Variants in JAKMIP1 observed in about 807,000 individuals in gnomAD.
JAKMIP1 encodes the protein janus kinase and microtubule-interacting protein 1.
In JAKMIP1, 33 loss-of-function variants were observed where a neutral mutation model predicts 113.0. The ratio of observed to expected loss-of-function variants is 0.29; its 90% CI spans 0.22 to 0.39. JAKMIP1 has a LOEUF of 0.39. Among genes scored for constraint, JAKMIP1 ranks in the 10% least tolerant of loss-of-function variants. The pLI, the probability that JAKMIP1 is intolerant of heterozygous loss-of-function variation, is 1.00. For missense variants in JAKMIP1, 813 were observed against 1,080.5 expected, an observed-to-expected ratio of 0.75 and a Z score of 3.47; for synonymous variants, 480 against 459.9, an observed-to-expected ratio of 1.04 and a Z score of -0.56.
At chr4:6,146,090 A>C (rs1720813907) in intron 1 of JAKMIP1, among the ~76,000 whole-genome samples, 1 of 152,168 alleles carries the variant, frequency 6.6e-6, no homozygotes, top group South Asian at 2.1e-4. Context: ...TTCAGCTTTA[A>C]AAAGGAAGGA....
intron 3 of JAKMIP1, among the ~76,000 whole-genome samples, chr4:6,099,627 C>T (rs1422906946): frequency 6.6e-6 from 1 of 152,148 alleles, no homozygotes; most frequent in African/African-American, 2.4e-5. Context: ...AAAAAGAGAT[C>T]GTCTCAGACA....
At chr4:6,090,173 G>C (rs1721845277) in intron 3 of JAKMIP1, among the ~76,000 whole-genome samples, 1 of 151,990 alleles carries the variant, frequency 6.6e-6, no homozygotes, top group South Asian at 2.1e-4. Context: ...AGTGAGCCGA[G>C]GTCACGCCAC....
chr4:6,098,173 G>A (rs1368559325), intron 3 of JAKMIP1, among the ~76,000 whole-genome samples: 1 of 152,216 alleles, frequency 6.6e-6, no homozygotes, highest in African/African-American at 2.4e-5. Context: ...GCTCACGCCT[G>A]TAATCCCAGC....
intron 1 of JAKMIP1, among the ~76,000 whole-genome samples, chr4:6,189,449 C>T (rs1312865109): frequency 6.6e-6 from 1 of 152,106 alleles, no homozygotes; most frequent in Admixed American, 6.5e-5. Flanking sequence ...TTTTTTTCAG[C>T]GCAGAGTGGA....
At chr4:6,126,202 AACAC>A (rs1560232355) in intron 1 of JAKMIP1, among the ~76,000 whole-genome samples, 1 of 140,500 alleles carries the variant, frequency 7.1e-6, no homozygotes, top group Non-Finnish European at 1.5e-5. Flanking sequence ...CACATACACA[AACAC>A]ACACCATGCG....
intron 1 of JAKMIP1, among the ~76,000 whole-genome samples, chr4:6,148,711 T>G (rs1721182822): frequency 6.6e-6 from 1 of 152,234 alleles, no homozygotes; most frequent in Admixed American, 6.5e-5. Flanking sequence ...TGTTACTTGT[T>G]TATCACTGTG....
Position 6,080,244 on chromosome 4 carries a change from C to T in JAKMIP1, c.1170G>A (p.Arg390=), listed in dbSNP as rs1479219874. Residue 390 remains arginine (R), a synonymous_variant, in exon 7 of 21, where the codon AGG becomes AGA. Coordinates refer to ENST00000409021, the MANE Select transcript of JAKMIP1 (RefSeq NM_001099433.2). The surrounding 1 kb of genome is among the most constrained non-coding windows in gnomAD (Gnocchi z 6.0). ...TCAGGAACTCGATCTCCTGCTCATC[C>T]CTCGTCAGGCTGAGGTCATTCAAGG... is the stretch of plus-strand genomic sequence containing the variant. The part of the protein sequence containing the change: ...HTSLNDLSLT[R]DEQEIEFLRL... 5.0e-6 allele frequency: 8 copies of T among 1,614,186 alleles called. No homozygotes were observed. Among genetic ancestry groups the T allele is most frequent in the East Asian group, 2.2e-5 (1 of 44,878 alleles).
rs1401307468 is a variant in JAKMIP1, at chr4:6,059,860, G to A, written c.1644+564C>T. Reference sequence around the variant, plus strand: ...CAGATTTCCACCCAGAGCCCTCTCTGGCTCCCCCACTCCAGGGGACAGGTC... The same window carrying A: ...CAGATTTCCACCCAGAGCCCTCTCTAGCTCCCCCACTCCAGGGGACAGGTC... On this transcript the variant is annotated intron_variant, in intron 11 of 20. Coordinates refer to ENST00000409021, the MANE Select transcript of JAKMIP1 (RefSeq NM_001099433.2). This position sits in a 1 kb window ranked among gnomAD's most constrained non-coding sequence, Gnocchi z 4.8. Among the ~76,000 whole-genome samples, 1 of 152,002 alleles carries A rather than the reference G, an allele frequency of 6.6e-6. No homozygotes were observed. The highest frequency in any genetic ancestry group is 1.5e-5 in the Non-Finnish European group (1 of 67,998).
intron 1 of JAKMIP1, among the ~76,000 whole-genome samples, chr4:6,164,459 TG>T (rs200722996): frequency 0.042 from 6,440 of 152,296 alleles, 410 homozygotes; most frequent in African/African-American, 0.14. Flanking sequence ...AGATTGATGT[TG>T]TTGTCATGCC....
Position 6,182,270 on chromosome 4 carries a change from G to A in JAKMIP1, c.-148+17983C>T, listed in dbSNP as rs117849029. On this transcript the variant is annotated intron_variant, in intron 1 of 20. Coordinates refer to ENST00000409021, the MANE Select transcript of JAKMIP1 (RefSeq NM_001099433.2). The stretch of plus-strand genomic sequence containing the variant: ...ACAAAATTAAAAAAATTAGTCAGGT[G>A]TGGTGGTGCATATTTGTAGTCCCAG... Among the ~76,000 whole-genome samples the A allele has an allele frequency of 2.4e-4, 37 of 151,998 alleles. 1 individual carries two copies. The East Asian group carries it at 7.2e-3, about 30-fold the overall frequency.
At chr4:6,063,066 T>C (rs187118608) in intron 9 of JAKMIP1, among the ~76,000 whole-genome samples, 1 of 151,686 alleles carries the variant, frequency 6.6e-6, no homozygotes, top group East Asian at 1.9e-4. Flanking sequence ...TCCTTGAGCC[T>C]GGGAGGTGGA....
rs926445827 is a variant in JAKMIP1, at chr4:6,156,990, G to C, written c.-148+43263C>G. Reference sequence around the variant, plus strand: ...ATCCCCAATGCACCAGTGTAAAGAGGGGGGACCTTTAAGGGGTGATTGGGT... The same window carrying C: ...ATCCCCAATGCACCAGTGTAAAGAGCGGGGACCTTTAAGGGGTGATTGGGT... On this transcript the variant is annotated intron_variant, in intron 1 of 20. Transcript: ENST00000409021. This position sits in a 1 kb window ranked among gnomAD's most constrained non-coding sequence, Gnocchi z 5.0. Among the ~76,000 whole-genome samples, 1 of 152,204 alleles carries C rather than the reference G, an allele frequency of 6.6e-6. No homozygotes were observed. Among genetic ancestry groups the C allele is most frequent in the Non-Finnish European group, 1.5e-5 (1 of 68,038 alleles).
chr4:6,052,806 G>A (rs192382683), intron 13 of JAKMIP1, among the ~76,000 whole-genome samples: 1 of 152,088 alleles, frequency 6.6e-6, no homozygotes, highest in Non-Finnish European at 1.5e-5. Context: ...CTCTAACAGC[G>A]GCAGGAGTAT....
At position 6,183,883 on chromosome 4, in the gene JAKMIP1, G is replaced by C. The variant is rs926921990; in HGVS notation, c.-148+16370C>G. 6.6e-6 allele frequency among the ~76,000 whole-genome samples: 1 copy of C among 152,154 alleles called. No individual in the cohort carries two copies. Among genetic ancestry groups the C allele is most frequent in the African/African-American group, 2.4e-5 (1 of 41,502 alleles). On this transcript the variant is annotated intron_variant, in intron 1 of 20. Transcript: ENST00000409021. The surrounding 1 kb of genome is among the most constrained non-coding windows in gnomAD (Gnocchi z 5.3). ...CTCCCAAAAACGGAATCACAAATGC[G>C]GTATGCAAATCGTCACAACAGAATA...
chr4:6,084,516 T>G (rs1284750226), intron 5 of JAKMIP1, among the ~76,000 whole-genome samples: 2 of 152,152 alleles, frequency 1.3e-5, no homozygotes, highest in East Asian at 3.9e-4. Flanking sequence ...TACGCTTTAG[T>G]ATTGAACAAT....
rs546836246 is a variant in JAKMIP1, at chr4:6,192,485, G to A, written c.-148+7768C>T. On this transcript the variant is annotated intron_variant, in intron 1 of 20. Coordinates refer to ENST00000409021, the MANE Select transcript of JAKMIP1 (RefSeq NM_001099433.2). The surrounding 1 kb of genome is among the most constrained non-coding windows in gnomAD (Gnocchi z 5.0). ...ACCCACTGCACGCAGACGCCACTGA[G>A]CCTGTTTTGGTTTTGGTCTACATCC... 1.8e-4 allele frequency among the ~76,000 whole-genome samples: 28 copies of A among 152,320 alleles called. No individual in the cohort carries two copies. The East Asian group carries it at 5.2e-3, about 28-fold the overall frequency.
intron 8 of JAKMIP1, chr4:6,070,032 G>A (rs1008337409): frequency 1.8e-5 from 7 of 398,450 alleles, no homozygotes; most frequent in Middle Eastern, 6.2e-4. Context: ...ACCTCAAAAC[G>A]CAAAACCCCG....
At position 6,116,911 on chromosome 4, in the gene JAKMIP1, G is replaced by C. The variant is rs1336925843; in HGVS notation, c.-147-3914C>G. On this transcript the variant is annotated intron_variant, in intron 1 of 20. Coordinates refer to ENST00000409021, the MANE Select transcript of JAKMIP1 (RefSeq NM_001099433.2). This position sits in a 1 kb window ranked among gnomAD's most constrained non-coding sequence, Gnocchi z 5.1. ...AGGCGGTGGGGAGGGCAAACTGCCAGACCACGTGGGGGTTCTACACCAAGC... is the reference window on the plus strand; with the variant it reads ...AGGCGGTGGGGAGGGCAAACTGCCACACCACGTGGGGGTTCTACACCAAGC... Among the ~76,000 whole-genome samples the C allele has an allele frequency of 6.6e-6, 1 of 152,204 alleles. No individual in the cohort carries two copies. Among genetic ancestry groups the C allele is most frequent in the Non-Finnish European group, 1.5e-5 (1 of 68,042 alleles).
In JAKMIP1 at chr4:6,199,313, G is replaced by A. The variant is rs1468877231; in HGVS notation, c.-148+940C>T. On this transcript the variant is annotated intron_variant, in intron 1 of 20. Coordinates refer to ENST00000409021, the MANE Select transcript of JAKMIP1 (RefSeq NM_001099433.2). The surrounding 1 kb of genome is among the most constrained non-coding windows in gnomAD (Gnocchi z 5.6). ...CCGGCGAGCTGGGGTGTGTGGGAGC[G>A]GGATGCTTCTAAGGCGAAAAGAAGC... Among the ~76,000 whole-genome samples the A allele has an allele frequency of 6.6e-6, 1 of 152,222 alleles. No individual in the cohort carries two copies. Among genetic ancestry groups the A allele is most frequent in the African/African-American group, 2.4e-5 (1 of 41,460 alleles).
Sources: gnomAD v4.1 joint callset for allele counts (sites outside exome capture counted in the v4.1 genomes callset) on GRCh38, gnomAD v4.1.1 for gene constraint, Gnocchi (gnomAD v3.1) non-coding constraint, MANE v1.5 for transcripts, NCBI Gene and HGNC (gene_info 2026-07-23, HGNC 2026-07-21) for gene names.